The following PALMD variants were observed in gnomAD, a reference collection of about 807,000 sequenced individuals.
PALMD encodes palmdelphin.
PALMD carries 42 observed loss-of-function variants against 56.2 expected under a neutral mutation model. That is an observed-to-expected ratio of 0.75 (90% CI 0.58 to 0.97). PALMD has a LOEUF of 0.97. Among genes scored for constraint, PALMD ranks in the 50% least tolerant of loss-of-function variants. PALMD has a pLI of 0.00. For synonymous variants in PALMD, 242 were observed against 222.9 expected (o/e 1.09, Z -0.76); for missense variants, 660 against 643.8 (o/e 1.03, Z -0.27).
chr1:99,670,857 C>G (rs556506222), intron 3 of PALMD, among the ~76,000 whole-genome samples: 1 of 152,058 alleles, frequency 6.6e-6, no homozygotes, highest in Non-Finnish European at 1.5e-5. Context: ...GATAATGGAA[C>G]GTTTTCTTCT....
intron 3 of PALMD, among the ~76,000 whole-genome samples, chr1:99,672,820 G>A (rs1653115750): frequency 6.6e-6 from 1 of 152,144 alleles, no homozygotes; most frequent in Non-Finnish European, 1.5e-5. Context: ...CCTTTGGGAA[G>A]GATAAGCTAC....
chr1:99,694,106 G>T lies in PALMD; in HGVS notation c.*44G>T, dbSNP rs1383381048. 1 of 1,334,674 alleles carries T rather than the reference G, an allele frequency of 7.5e-7. No homozygotes were observed. Among genetic ancestry groups the T allele is most frequent in the Non-Finnish European group, 1.1e-6 (1 of 950,120 alleles). 82.7% of individuals were successfully genotyped at this position (1,334,674 alleles called of 1,614,324 possible). ...AAACATCCTTTGAAGAAGAAACTAA[G>T]AAGCATTTGCAAATTTCTCTTCTGG... On this transcript the variant is annotated 3_prime_UTR_variant, in exon 8 of 8. Transcript: ENST00000263174.
At chr1:99,653,013 A>G (rs1333387847) in intron 1 of PALMD, among the ~76,000 whole-genome samples, 1 of 152,144 alleles carries the variant, frequency 6.6e-6, no homozygotes, top group East Asian at 1.9e-4. Flanking sequence ...CTAATAGTTC[A>G]GGCCCCTTTT....
rs1488604906 is a variant in PALMD, at chr1:99,689,001, A to G, written c.741A>G (p.Ser247=). The G allele has an allele frequency of 7.4e-6, 12 of 1,613,818 alleles. No homozygotes were observed. The South Asian group carries it at 1.3e-4, about 18-fold the overall frequency. The change falls in exon 7 of 8, where the codon TCA becomes TCG. Residue 247 remains serine, a synonymous_variant. Transcript: ENST00000263174. ...TAGAGGAACTTCTAAGACAAGCCTC[A>G]GAGAGAAACTCTAAATCCCCAACAG... ...VEVEELLRQA[S]ERNSKSPTEY...
rs542226922 is a variant in PALMD at position 99,662,454 on chromosome 1, G to A, written c.126+55G>A. Reference sequence around the variant, plus strand: ...GATTTTGTATTCAAAAATTCTATTGGTACTCAAATTTCAATAGTAAAAAAG... The same window carrying A: ...GATTTTGTATTCAAAAATTCTATTGATACTCAAATTTCAATAGTAAAAAAG... On this transcript the variant is annotated intron_variant, in intron 2 of 7. Coordinates refer to ENST00000263174, the MANE Select transcript of PALMD (RefSeq NM_017734.5). 2.0e-3 allele frequency: 2,027 copies of A among 1,025,452 alleles called. 3 individuals are homozygous for A. The highest frequency in any genetic ancestry group is 2.4e-3 in the Non-Finnish European group (1,596 of 669,886). 63.5% of individuals were successfully genotyped at this position (1,025,452 alleles called of 1,614,324 possible).
chr1:99,657,482 C>A (rs549815880), intron 1 of PALMD, among the ~76,000 whole-genome samples: 16 of 152,296 alleles, frequency 1.1e-4, no homozygotes, highest in African/African-American at 3.6e-4. Flanking sequence ...CTTGTTCAAG[C>A]TCTCATGGCC....
chr1:99,681,480 T>C (rs1024673770), intron 3 of PALMD, among the ~76,000 whole-genome samples: 1 of 152,118 alleles, frequency 6.6e-6, no homozygotes, highest in Non-Finnish European at 1.5e-5. Context: ...GAATGGTCAT[T>C]GAACAAGGAA....
intron 3 of PALMD, among the ~76,000 whole-genome samples, chr1:99,679,472 C>A (rs17120889): frequency 6.6e-6 from 1 of 152,084 alleles, no homozygotes; most frequent in Admixed American, 6.6e-5. Context: ...AAAGATAAAG[C>A]CCGGACTTCA....
chr1:99,660,848 T>A (rs1433825261), intron 1 of PALMD, among the ~76,000 whole-genome samples: 1 of 152,140 alleles, frequency 6.6e-6, no homozygotes, highest in Non-Finnish European at 1.5e-5. Context: ...ATTGTGCCAC[T>A]GCACTCCAGC....
At chr1:99,686,599 T>TGC in intron 3 of PALMD, 77 bp from the exon 4 acceptor site, 1 of 696,698 alleles carries the variant, frequency 1.4e-6, no homozygotes, top group Non-Finnish European at 2.5e-6. Flanking sequence ...GGAAACTTTA[T>TGC]ATATGGGGAA....
intron 7 of PALMD, among the ~76,000 whole-genome samples, chr1:99,692,360 A>G (rs1041041123): frequency 6.6e-6 from 1 of 152,192 alleles, no homozygotes; most frequent in African/African-American, 2.4e-5. Flanking sequence ...ACTTCTATCA[A>G]GTTCAGCCAG....
intron 2 of PALMD, among the ~76,000 whole-genome samples, chr1:99,663,352 C>G (rs1255842277): frequency 6.6e-6 from 1 of 152,064 alleles, no homozygotes; most frequent in Admixed American, 6.5e-5. Context: ...TGCTCCCCTT[C>G]CAATATGTCA....
Position 99,689,126 on chromosome 1 carries a change from T to G in PALMD, c.866T>G (p.Ile289Ser). The change falls in exon 7 of 8, where the codon ATT (isoleucine) becomes AGT (serine). Residue 289 changes from isoleucine (I) to serine (S), a missense_variant. By Grantham distance (142) the Ile-to-Ser change is moderately radical. Transcript: ENST00000263174. ...PGPNFQERIK[I>S]KTNGLGIGVN... ...CCAAACTTTCAAGAAAGGATAAAGA[T>G]TAAAACTAATGGACTGGGTATTGGT... The G allele has an allele frequency of 2.5e-6, 4 of 1,613,120 alleles. No homozygotes were observed. Among genetic ancestry groups the G allele is most frequent in the Non-Finnish European group, 3.4e-6 (4 of 1,179,652 alleles).
chr1:99,648,198 A>G (rs1400136194), intron 1 of PALMD, among the ~76,000 whole-genome samples: 1 of 152,108 alleles, frequency 6.6e-6, no homozygotes, highest in Non-Finnish European at 1.5e-5. Flanking sequence ...TGTAGGGAAA[A>G]AACTGGAAAA....
rs1557674061 is a variant in PALMD at position 99,683,138 on chromosome 1, GAAAGAAAGAAAGAAAGAAAGAAAGAAA to G, written c.252-3537_252-3511del. The G allele has an allele frequency of 7.1e-3, 881 of 124,206 alleles. 41 individuals are homozygous for G. Among genetic ancestry groups the G allele is most frequent in the African/African-American group, 0.017 (421 of 25,252 alleles). The allele number at this position is 124,206 out of a possible 1,614,324, so 7.7% of individuals were successfully genotyped here. ...AGAAAGAAAGAAAGAAAGAAAGAAA[GAAAGAAAGAAAGAAAGAAAGAAAGAAA>G]GAAACGAACACCCTATGAAGTTGTT... On this transcript the variant is annotated intron_variant, in intron 3 of 7. Coordinates refer to ENST00000263174, the MANE Select transcript of PALMD (RefSeq NM_017734.5).
At chr1:99,656,968 C>T (rs762413116) in intron 1 of PALMD, among the ~76,000 whole-genome samples, 4 of 152,180 alleles carry the variant, frequency 2.6e-5, no homozygotes, top group Non-Finnish European at 5.9e-5. Context: ...TTCATTGCTC[C>T]TTTCAGTTAT....
intron 2 of PALMD, among the ~76,000 whole-genome samples, chr1:99,665,583 T>C (rs1396224871): frequency 6.6e-6 from 1 of 152,150 alleles, no homozygotes; most frequent in Admixed American, 6.6e-5. Context: ...TAGCCCCAAG[T>C]TAACCTAATC....
intron 1 of PALMD, among the ~76,000 whole-genome samples, chr1:99,649,682 T>C (rs943681993): frequency 1.3e-5 from 2 of 152,202 alleles, no homozygotes; most frequent in Non-Finnish European, 2.9e-5. Context: ...TACATTTTCT[T>C]ACCCCCATGC....
chr1:99,654,415 A>G (rs1359366273), intron 1 of PALMD, among the ~76,000 whole-genome samples: 1 of 152,146 alleles, frequency 6.6e-6, no homozygotes, highest in Non-Finnish European at 1.5e-5. Flanking sequence ...AAATGTTTGC[A>G]TTTTTATACC....
Sources: gnomAD v4.1 joint callset for allele counts (sites outside exome capture counted in the v4.1 genomes callset) on GRCh38, gnomAD v4.1.1 for gene constraint, MANE v1.5 for transcripts, NCBI Gene and HGNC (gene_info 2026-07-23, HGNC 2026-07-21) for gene names.